The following ZNF568 variants were observed in gnomAD, a reference collection of about 807,000 sequenced individuals.
ZNF568 encodes the protein p53 inhibitor of SCO2 activation.
A neutral mutation model predicts 18.1 loss-of-function variants in ZNF568; 11 were observed. The ratio of observed to expected loss-of-function variants is 0.61; its 90% CI spans 0.38 to 1.00. ZNF568 has a LOEUF of 1.00. ZNF568 is among the 50% of genes least tolerant of loss of function. The pLI, the probability that ZNF568 is intolerant of heterozygous loss-of-function variation, is 0.01. For missense variants in ZNF568, 639 were observed against 768.2 expected (o/e 0.83, Z 1.99); for synonymous variants, 213 against 246.6 (o/e 0.86, Z 1.28).
Position 36,949,998 on chromosome 19 carries a change from A to G in ZNF568, c.845A>G (p.Glu282Gly), listed in dbSNP as rs1281741807. ...GGGGAAAAACCGTATAAGTGTAATGAATGTGGAAAAGCTTTCATTCAGATG... is the reference window on the plus strand; with the variant it reads ...GGGGAAAAACCGTATAAGTGTAATGGATGTGGAAAAGCTTTCATTCAGATG... ...HTGEKPYKCN[E>G]CGKAFIQMSN... is the part of the protein sequence containing the mutation. Residue 282 changes from glutamate (E) to glycine (G), a missense_variant, in exon 7 of 7, where the codon GAA becomes GGA. By Grantham distance (98) the Glu-to-Gly change is moderately conservative. Transcript: ENST00000333987. 1 of 1,613,992 alleles carries G rather than the reference A, an allele frequency of 6.2e-7. No individual in the cohort carries two copies. The highest frequency in any genetic ancestry group is 1.7e-5 in the Admixed American group (1 of 60,018).
Position 36,949,694 on chromosome 19 carries a change from C to T in ZNF568, c.541C>T (p.Leu181Phe), listed in dbSNP as rs2074024552. Reference sequence around the variant, plus strand: ...ACAAAGCTTCTATGACTGTGACTCACTTGATAAGGGTTTGGAACATAATTT... The same window carrying T: ...ACAAAGCTTCTATGACTGTGACTCATTTGATAAGGGTTTGGAACATAATTT... ...SRQSFYDCDS[L>F]DKGLEHNLDL... The change falls in exon 7 of 7, where the codon CTT becomes TTT. Residue 181 changes from leucine to phenylalanine, a missense_variant. Physicochemically the swap from Leu to Phe is conservative, Grantham distance 22. Coordinates refer to ENST00000333987, the MANE Select transcript of ZNF568 (RefSeq NM_198539.4). 2 of 1,613,720 alleles carry T rather than the reference C, an allele frequency of 1.2e-6. No homozygotes were observed. Among genetic ancestry groups the T allele is most frequent in the East Asian group, 4.5e-5 (2 of 44,848 alleles).
intron 2 of ZNF568, among the ~76,000 whole-genome samples, chr19:36,985,004 A>G (rs184701463): frequency 3.3e-5 from 5 of 152,224 alleles, no homozygotes; most frequent in African/African-American, 9.6e-5. Context: ...CTGTCTTCCA[A>G]TACTGCCATT....
chr19:36,933,982 T>C (rs2073743928), intron 4 of ZNF568, among the ~76,000 whole-genome samples: 1 of 143,070 alleles, frequency 7.0e-6, no homozygotes, highest in African/African-American at 2.8e-5. Context: ...TCATCTTTTC[T>C]TTTTGTTGCA....
chr19:36,987,820 C>CTGTGTGTGTGTGTGTGTGTG (rs2074388783), intron 2 of ZNF568, among the ~76,000 whole-genome samples: 1 of 55,776 alleles, frequency 1.8e-5, no homozygotes, highest in Non-Finnish European at 3.7e-5. Context: ...AAAACACAGA[C>CTGTGTGTGTGTGTGTGTGTG]TCTGTGTGTG....
chr19:36,982,131 G>A (rs1044335421), downstream of ZNF568, among the ~76,000 whole-genome samples: 5 of 151,982 alleles, frequency 3.3e-5, no homozygotes, highest in Admixed American at 3.3e-4. Flanking sequence ...AATTGTCTTT[G>A]TCTATTAGTA....
intron 4 of ZNF568, among the ~76,000 whole-genome samples, chr19:36,931,383 A>G (rs2073683575): frequency 1.3e-5 from 2 of 152,024 alleles, no homozygotes; most frequent in Non-Finnish European, 1.5e-5. Context: ...TAATGGAATT[A>G]TTTTTTGTTG....
At chr19:36,930,677 A>C (rs2073672638) in intron 4 of ZNF568, among the ~76,000 whole-genome samples, 1 of 152,150 alleles carries the variant, frequency 6.6e-6, no homozygotes. Context: ...TTTCTGAAAC[A>C]TTCATCAGTT....
At chr19:36,933,719 G>T (rs2073728280) in intron 4 of ZNF568, among the ~76,000 whole-genome samples, 1 of 151,662 alleles carries the variant, frequency 6.6e-6, no homozygotes, top group African/African-American at 2.4e-5. Context: ...GTGTGTGTGT[G>T]TATGTTCTTT....
chr19:36,937,666 T>C (rs1600796496), intron 6 of ZNF568, among the ~76,000 whole-genome samples: 4 of 152,292 alleles, frequency 2.6e-5, no homozygotes, highest in Admixed American at 2.6e-4. Flanking sequence ...TCCTTCTTTC[T>C]TTTTTAAAAA....
intron 6 of ZNF568, among the ~76,000 whole-genome samples, chr19:36,945,868 C>T (rs907297036): frequency 6.6e-6 from 1 of 151,394 alleles, no homozygotes; most frequent in Non-Finnish European, 1.5e-5. Flanking sequence ...CTGGGGCGGG[C>T]GGATCATGAG....
At chr19:36,975,372 C>T (rs1217147926) in intron 7 of ZNF568, among the ~76,000 whole-genome samples, 1 of 150,876 alleles carries the variant, frequency 6.6e-6, no homozygotes, top group African/African-American at 2.4e-5. Flanking sequence ...TGGTCTCGAT[C>T]TCCTGACCTC....
At chr19:36,963,952 C>T (rs892262543) in intron 6 of ZNF568, among the ~76,000 whole-genome samples, 1 of 124,178 alleles carries the variant, frequency 8.1e-6, no homozygotes, top group Admixed American at 1.2e-4. Context: ...GGCAACAAAG[C>T]GAGACTCAGT....
At chr19:36,977,542 A>C (rs187950113) in intron 7 of ZNF568, among the ~76,000 whole-genome samples, 163 of 152,252 alleles carry the variant, frequency 1.1e-3, no homozygotes, top group Admixed American at 1.2e-3. Flanking sequence ...TGAATTAATC[A>C]GTTTCTTTCT....
intron 6 of ZNF568, among the ~76,000 whole-genome samples, chr19:36,939,393 T>A (rs1252032207): frequency 2.0e-5 from 3 of 152,192 alleles, no homozygotes; most frequent in Non-Finnish European, 2.9e-5. Flanking sequence ...TTCCCTGTAC[T>A]TTTTGTTGGA....
chr19:36,980,637 C>T (rs2074323479), downstream of ZNF568, among the ~76,000 whole-genome samples: 1 of 152,142 alleles, frequency 6.6e-6, no homozygotes, highest in Non-Finnish European at 1.5e-5. Context: ...TATTCACAGT[C>T]ATATTTATAA....
chr19:36,978,613 A>G (rs2074304523), intron 7 of ZNF568, among the ~76,000 whole-genome samples: 3 of 152,198 alleles, frequency 2.0e-5, no homozygotes, highest in Admixed American at 1.3e-4. Flanking sequence ...TATTTCCTAT[A>G]GCAAGATTCT....
chr19:36,950,823 C>T lies in ZNF568; in HGVS notation c.1670C>T (p.Pro557Leu), dbSNP rs1568394704. The T allele has an allele frequency of 2.9e-5, 46 of 1,613,764 alleles. No individual in the cohort carries two copies. Among genetic ancestry groups the T allele is most frequent in the Non-Finnish European group, 3.9e-5 (46 of 1,179,962 alleles). The stretch of plus-strand genomic sequence containing the variant: ...GAAAAAATTCATACTGGAGAGAAAC[C>T]ATTCAAATGTAATGAATGTGGTAAA... ...EHEKIHTGEK[P>L]FKCNECGKAF... The change falls in exon 7 of 7, where the codon CCA becomes CTA. Residue 557 changes from proline (P) to leucine (L), a missense_variant. By Grantham distance (98) the Pro-to-Leu change is moderately conservative. Transcript: ENST00000333987.
At chr19:36,937,556 T>G (rs2073811986) in intron 6 of ZNF568, among the ~76,000 whole-genome samples, 1 of 152,228 alleles carries the variant, frequency 6.6e-6, no homozygotes, top group Non-Finnish European at 1.5e-5. Flanking sequence ...GCACTCTCTT[T>G]CCTTTATGTT....
downstream of ZNF568, chr19:36,997,662 TC>T (rs1180749468): frequency 1.3e-5 from 17 of 1,259,608 alleles, no homozygotes; most frequent in East Asian, 4.0e-4. Context: ...AGGCCTTCAT[TC>T]GGGCCTCACA....
Sources: gnomAD v4.1 joint callset for allele counts (sites outside exome capture counted in the v4.1 genomes callset) on GRCh38, gnomAD v4.1.1 for gene constraint, MANE v1.5 for transcripts, NCBI Gene and HGNC (gene_info 2026-07-23, HGNC 2026-07-21) for gene names.